The following NLRP14 variants were observed in gnomAD, a reference collection of about 807,000 sequenced individuals.
NLRP14 encodes the protein NLR family pyrin domain containing 14.
Under a neutral mutation model 94.7 loss-of-function variants are expected in NLRP14, and 105 were observed. That is an observed-to-expected ratio of 1.11 (90% CI 0.95 to 1.30). The LOEUF (loss-of-function observed/expected upper bound fraction) is 1.30, where lower values mean the gene tolerates loss of function less well. Among genes scored for constraint, NLRP14 ranks in the 50% most tolerant of loss-of-function variants. NLRP14 has a pLI of 0.00. For synonymous variants in NLRP14, 508 were observed against 459.9 expected (o/e 1.10, Z -1.34); for missense variants, 1,362 against 1,254.1 (o/e 1.09, Z -1.30).
intron 6 of NLRP14, among the ~76,000 whole-genome samples, chr11:7,051,114 C>T (rs1020767842): frequency 1.3e-5 from 2 of 152,108 alleles, no homozygotes; most frequent in Non-Finnish European, 2.9e-5. Flanking sequence ...ACCAAGTTGC[C>T]AGGATTTCAA....
At chr11:7,066,500 A>G (rs1043212893) in intron 10 of NLRP14, among the ~76,000 whole-genome samples, 2 of 152,198 alleles carry the variant, frequency 1.3e-5, no homozygotes, top group African/African-American at 4.8e-5. Context: ...GGCCACATAA[A>G]TGTCTTCTTT....
At chr11:7,065,868 C>T (rs1852697080) in intron 10 of NLRP14, among the ~76,000 whole-genome samples, 1 of 152,154 alleles carries the variant, frequency 6.6e-6, no homozygotes, top group South Asian at 2.1e-4. Flanking sequence ...TAGCCCCCAT[C>T]CCCCAACAGG....
At chr11:7,061,107 A>T (rs1415208646) in intron 9 of NLRP14, among the ~76,000 whole-genome samples, 1 of 152,002 alleles carries the variant, frequency 6.6e-6, no homozygotes, top group East Asian at 1.9e-4. Flanking sequence ...TCTTTGGTTG[A>T]CCCAGAAGTA....
intron 6 of NLRP14, among the ~76,000 whole-genome samples, chr11:7,054,883 C>T (rs942602482): frequency 6.6e-6 from 1 of 152,062 alleles, no homozygotes; most frequent in Non-Finnish European, 1.5e-5. Context: ...TTGCCCAGTC[C>T]AATGTCCTGG....
At chr11:7,083,684 A>G in the NLRP14 span, among the ~76,000 whole-genome samples, 2 of 152,166 alleles carry the variant, frequency 1.3e-5, no homozygotes, top group Non-Finnish European at 1.5e-5. Context: ...TCTAGAGTTC[A>G]TCCATCTTTA....
At chr11:7,041,668 T>C (rs1852252549) in intron 3 of NLRP14, among the ~76,000 whole-genome samples, 1 of 152,200 alleles carries the variant, frequency 6.6e-6, no homozygotes, top group South Asian at 2.1e-4. Flanking sequence ...GCATCATTTA[T>C]TTTAAAAATA....
the NLRP14 span, chr11:7,089,019 CCT>C: frequency 3.6e-6 from 5 of 1,397,050 alleles, no homozygotes; most frequent in Non-Finnish European, 5.0e-6. Context: ...CTAGGCGCCG[CCT>C]GACCAGTAGG....
At chr11:7,045,939 ATAAC>A (rs1296048271) in intron 4 of NLRP14, among the ~76,000 whole-genome samples, 5 of 152,144 alleles carry the variant, frequency 3.3e-5, no homozygotes, top group Admixed American at 6.5e-5. Flanking sequence ...ATTTTCCAGA[ATAAC>A]TAAGTTCAGT....
Position 7,058,332 on chromosome 11 carries a change from C to G in NLRP14, c.2515C>G (p.Leu839Val), listed in dbSNP as rs770949467. The G allele has an allele frequency of 1.9e-5, 31 of 1,612,458 alleles. No individual in the cohort carries two copies. Among genetic ancestry groups the G allele is most frequent in the Non-Finnish European group, 2.5e-5 (29 of 1,178,898 alleles). Residue 839 changes from leucine (L) to valine (V), a missense_variant, in exon 8 of 12, where the codon CTC becomes GTC. Coordinates refer to ENST00000299481, the MANE Select transcript of NLRP14 (RefSeq NM_176822.4). ...EAGCEYLSLA[L>V]ISNKRLTHLC... ...TGGCTGTGAGTATCTTTCTTTGGCT[C>G]TCATCAGCAATAAAAGACTGACACA... is the stretch of plus-strand genomic sequence containing the variant.
the NLRP14 span, chr11:7,089,090 C>T: frequency 6.2e-7 from 1 of 1,603,814 alleles, no homozygotes; most frequent in East Asian, 2.2e-5. Context: ...CCGCCTCCCA[C>T]CGCCACTGAC....
chr11:7,062,495 G>C lies in NLRP14; in HGVS notation c.2967G>C (p.Gln989His), dbSNP rs759291138. The C allele has an allele frequency of 9.9e-6, 16 of 1,612,672 alleles. No homozygotes were observed. Among genetic ancestry groups the C allele is most frequent in the Middle Eastern group, 1.6e-4 (1 of 6,076 alleles). The change falls in exon 10 of 12, where the codon CAG (glutamine) becomes CAC (histidine). Residue 989 changes from glutamine to histidine, a missense_variant. Coordinates refer to ENST00000299481, the MANE Select transcript of NLRP14 (RefSeq NM_176822.4). ...TGAGATATCCAAACTGTAACATTCA[G>C]AGGCTCGGGTGAGTTCATAGTTTTC... ...DALRYPNCNI[Q>H]RLGLEYCGLT...
Position 7,071,250 on chromosome 11 carries a change from T to C in NLRP14, c.3224T>C (p.Ile1075Thr), listed in dbSNP as rs749204134. The C allele has an allele frequency of 1.2e-6, 2 of 1,613,704 alleles. No homozygotes were observed. Among genetic ancestry groups the C allele is most frequent in the Admixed American group, 3.3e-5 (2 of 59,990 alleles). Residue 1075 changes from isoleucine to threonine, a missense_variant, in exon 12 of 12, where the codon ATT (isoleucine) becomes ACT (threonine). Physicochemically the swap from Ile to Thr is moderately conservative, Grantham distance 89. Transcript: ENST00000299481. ...AVGVSNPHLI[I>T]KPDCNYHNEE... ...GGAGTTAGCAATCCACACTTAATCA[T>C]TAAGCCAGATTGTAACTATCATAAT... is the stretch of plus-strand genomic sequence containing the variant.
Position 7,046,758 on chromosome 11 carries a change from C to A in NLRP14, c.2049C>A (p.Ser683Arg). The A allele has an allele frequency of 6.2e-7, 1 of 1,613,330 alleles. No homozygotes were observed. Among genetic ancestry groups the A allele is most frequent in the Non-Finnish European group, 8.5e-7 (1 of 1,179,266 alleles). Residue 683 changes from serine (S) to arginine (R), a missense_variant, in exon 5 of 12, where the codon AGC (serine) becomes AGA (arginine). By Grantham distance (110) the Ser-to-Arg change is moderately radical. Coordinates refer to ENST00000299481, the MANE Select transcript of NLRP14 (RefSeq NM_176822.4). ...EHLRELDLYH[S>R]NLDKSAMNIL... ...TGAGAGAATTGGACCTGTACCATAG[C>A]AACCTTGATAAATCAGCAATGAATA...
chr11:7,055,870 A>G (rs1852508702), intron 6 of NLRP14, among the ~76,000 whole-genome samples: 1 of 152,036 alleles, frequency 6.6e-6, no homozygotes, highest in Non-Finnish European at 1.5e-5. Context: ...GGCTTTGGAA[A>G]TTTTTGCCAA....
chr11:7,037,682 TTGA>T (rs1450890761), intron 1 of NLRP14, among the ~76,000 whole-genome samples: 3 of 152,164 alleles, frequency 2.0e-5, no homozygotes, highest in Non-Finnish European at 4.4e-5. Flanking sequence ...TCAAAAGGAT[TTGA>T]TGATGTTTGA....
At chr11:7,021,378 G>A (rs1457749865) in intron 1 of NLRP14, among the ~76,000 whole-genome samples, 1 of 152,198 alleles carries the variant, frequency 6.6e-6, no homozygotes, top group South Asian at 2.1e-4. Flanking sequence ...GCGCCTATCT[G>A]CTTGAGTTCA....
chr11:7,046,254 G>T (rs1422799027), intron 4 of NLRP14, among the ~76,000 whole-genome samples: 1 of 152,078 alleles, frequency 6.6e-6, no homozygotes, highest in Non-Finnish European at 1.5e-5. Context: ...TAGACCTGGG[G>T]CTCAGGCCTG....
chr11:7,078,253 A>C, the NLRP14 span, among the ~76,000 whole-genome samples: 1 of 151,496 alleles, frequency 6.6e-6, no homozygotes, highest in Non-Finnish European at 1.5e-5. Context: ...CCTGGCTAAC[A>C]TGGCAAAACC....
At chr11:7,057,655 G>A (rs757246959) in intron 6 of NLRP14, 22 bp from the exon 7 acceptor site, 6 of 1,609,370 alleles carry the variant, frequency 3.7e-6, no homozygotes, top group South Asian at 1.1e-5. Flanking sequence ...GGTCATTCCT[G>A]CTTTTCTGTG....
Sources: gnomAD v4.1 joint callset for allele counts (sites outside exome capture counted in the v4.1 genomes callset) on GRCh38, gnomAD v4.1.1 for gene constraint, MANE v1.5 for transcripts, NCBI Gene and HGNC (gene_info 2026-07-23, HGNC 2026-07-21) for gene names.